PDSS2: variants seen among roughly 807,000 people sequenced by gnomAD.
PDSS2 encodes decaprenyl diphosphate synthase subunit 2.
In PDSS2, 31 loss-of-function variants were observed where a neutral mutation model predicts 44.5. The ratio of observed to expected loss-of-function variants is 0.70; its 90% CI spans 0.52 to 0.94. PDSS2 has a LOEUF of 0.94. PDSS2 is among the 40% of genes least tolerant of loss of function. The probability of loss-of-function intolerance (pLI) is 0.00; values close to 1 mark genes in which losing one functional copy is unlikely to be tolerated. For synonymous variants in PDSS2, 157 were observed against 180.3 expected, an observed-to-expected ratio of 0.87 and a Z score of 1.03; for missense variants, 452 against 482.2, an observed-to-expected ratio of 0.94 and a Z score of 0.59.
At chr6:107,351,945 T>C (rs528446412) in intron 1 of PDSS2, among the ~76,000 whole-genome samples, 20 of 152,282 alleles carry the variant, frequency 1.3e-4, no homozygotes, top group Non-Finnish European at 2.5e-4. Context: ...TTGTGAAATT[T>C]TAGGAAAATG....
At chr6:107,182,018 A>T (rs1259285516) in intron 7 of PDSS2, among the ~76,000 whole-genome samples, 1 of 152,158 alleles carries the variant, frequency 6.6e-6, no homozygotes, top group East Asian at 1.9e-4. Context: ...AGAGATTATG[A>T]TAATTAAATC....
At chr6:107,210,863 G>C (rs1220659845) in intron 5 of PDSS2, among the ~76,000 whole-genome samples, 5 of 151,362 alleles carry the variant, frequency 3.3e-5, no homozygotes, top group Non-Finnish European at 7.4e-5. Flanking sequence ...AATTGGGGGG[G>C]GTTTGCACAC....
At chr6:107,232,832 A>G (rs1404222287) in intron 4 of PDSS2, among the ~76,000 whole-genome samples, 1 of 151,642 alleles carries the variant, frequency 6.6e-6, no homozygotes, top group Non-Finnish European at 1.5e-5. Flanking sequence ...AAACTTCAAT[A>G]GTTTCTTTCT....
chr6:107,259,561 G>A (rs921028708), intron 3 of PDSS2, among the ~76,000 whole-genome samples: 11 of 152,134 alleles, frequency 7.2e-5, no homozygotes, highest in South Asian at 6.2e-4. Context: ...TGTAATCCCC[G>A]CTACTTGGGA....
rs1421418139 is a variant in PDSS2 at position 107,154,224 on chromosome 6, C to G, written c.*395G>C. On this transcript the variant is annotated 3_prime_UTR_variant, in exon 8 of 8. Transcript: ENST00000369037. ...TCCCTGGTTGGTATTGAGAGCATTTCTCTTGACACCTGCAGCTTCCAACTT... is the reference window on the plus strand; with the variant it reads ...TCCCTGGTTGGTATTGAGAGCATTTGTCTTGACACCTGCAGCTTCCAACTT... 3 of 273,730 alleles carry G rather than the reference C, an allele frequency of 1.1e-5. No homozygotes were observed. The highest frequency in any genetic ancestry group is 2.1e-5 in the Non-Finnish European group (3 of 141,580). 17.0% of individuals were successfully genotyped at this position (273,730 alleles called of 1,614,324 possible). A position where few individuals can be genotyped will look rare whatever the true frequency, so the allele number is the denominator to read the frequency against.
rs370343629 is a variant in PDSS2, at chr6:107,223,222, C to T, written c.703-10940G>A. Reference sequence around the variant, plus strand: ...AGGATTATAGGTGTGAACCACTGCGCTCTACAAACATTTTTTTAAAAAATT... The same window carrying T: ...AGGATTATAGGTGTGAACCACTGCGTTCTACAAACATTTTTTTAAAAAATT... On this transcript the variant is annotated intron_variant, in intron 4 of 7. Coordinates refer to ENST00000369037, the MANE Select transcript of PDSS2 (RefSeq NM_020381.4). Among the ~76,000 whole-genome samples, 78 of 150,922 alleles carry T rather than the reference C, an allele frequency of 5.2e-4. 4 individuals are homozygous for T. Among genetic ancestry groups the T allele is most frequent in the African/African-American group, 1.8e-3 (72 of 40,546 alleles).
rs1000745374 is a variant in PDSS2, at chr6:107,214,248, C to T, written c.703-1966G>A. The stretch of plus-strand genomic sequence containing the variant: ...CCTCTCCGAGTAGCTGGACTACAGG[C>T]GCCCGCCACCACGCCCAGCTAATTT... On this transcript the variant is annotated intron_variant, in intron 4 of 7. Coordinates refer to ENST00000369037, the MANE Select transcript of PDSS2 (RefSeq NM_020381.4). 1.1e-4 allele frequency among the ~76,000 whole-genome samples: 16 copies of T among 152,088 alleles called. No homozygotes were observed. In the East Asian group the frequency reaches 2.5e-3, roughly 24 times the overall value.
intron 2 of PDSS2, among the ~76,000 whole-genome samples, chr6:107,325,906 T>C (rs1473018710): frequency 6.6e-6 from 1 of 152,312 alleles, no homozygotes; most frequent in East Asian, 1.9e-4. Context: ...TGCAAATGTG[T>C]TAATCTTTTC....
At chr6:107,450,877 C>A (rs1781843644) in intron 1 of PDSS2, among the ~76,000 whole-genome samples, 1 of 152,224 alleles carries the variant, frequency 6.6e-6, no homozygotes, top group South Asian at 2.1e-4. Context: ...GTCACCCACG[C>A]TGAAGTGCAA....
chr6:107,277,582 C>G (rs1234903740), intron 2 of PDSS2, among the ~76,000 whole-genome samples: 1 of 151,982 alleles, frequency 6.6e-6, no homozygotes, highest in African/African-American at 2.4e-5. Flanking sequence ...GGTGGGGGAG[C>G]TATTACAAAG....
At chr6:107,326,554 A>T (rs186871203) in intron 2 of PDSS2, among the ~76,000 whole-genome samples, 1 of 152,176 alleles carries the variant, frequency 6.6e-6, no homozygotes, top group East Asian at 1.9e-4. Flanking sequence ...AGGTAATAAG[A>T]TAAAAATAGT....
chr6:107,264,321 T>A, intron 3 of PDSS2: 1 of 1,447,452 alleles, frequency 6.9e-7, no homozygotes, highest in Non-Finnish European at 9.1e-7. Flanking sequence ...AAAGTTAACA[T>A]AAGGAAATAC....
intron 1 of PDSS2, among the ~76,000 whole-genome samples, chr6:107,434,943 AT>A (rs1298836787): frequency 6.6e-6 from 1 of 151,848 alleles, no homozygotes; most frequent in African/African-American, 2.4e-5. Context: ...ACTCATAAAA[AT>A]TTTTTTTAAA....
At chr6:107,236,409 C>T (rs1044829948) in intron 4 of PDSS2, among the ~76,000 whole-genome samples, 1 of 150,182 alleles carries the variant, frequency 6.7e-6, no homozygotes, top group Non-Finnish European at 1.5e-5. Flanking sequence ...TGGAGGTTGC[C>T]GTGAGCTGAG....
At chr6:107,227,468 T>C (rs1773873760) in intron 4 of PDSS2, among the ~76,000 whole-genome samples, 1 of 149,016 alleles carries the variant, frequency 6.7e-6, no homozygotes, top group Non-Finnish European at 1.5e-5. Context: ...TTTATACTTT[T>C]AGTAAAGGCG....
intron 2 of PDSS2, among the ~76,000 whole-genome samples, chr6:107,276,630 CTG>C: frequency 6.6e-6 from 1 of 152,310 alleles, no homozygotes; most frequent in African/African-American, 2.4e-5. Flanking sequence ...AGAGGGCAAA[CTG>C]TGGCAGAGTG....
intron 4 of PDSS2, among the ~76,000 whole-genome samples, chr6:107,241,964 C>T (rs184695680): frequency 6.6e-5 from 10 of 152,324 alleles, no homozygotes; most frequent in African/African-American, 2.4e-4. Flanking sequence ...TCCCACATGA[C>T]CTCCACTTGT....
At chr6:107,274,667 CTTTTT>C (rs5878910) in intron 2 of PDSS2, among the ~76,000 whole-genome samples, 1 of 106,550 alleles carries the variant, frequency 9.4e-6, no homozygotes, top group Non-Finnish European at 1.9e-5. Context: ...ATCTCTCTCT[CTTTTT>C]TTTTTTTTTT....
At chr6:107,281,042 A>C (rs1173176014) in intron 2 of PDSS2, among the ~76,000 whole-genome samples, 1 of 152,154 alleles carries the variant, frequency 6.6e-6, no homozygotes, top group Non-Finnish European at 1.5e-5. Flanking sequence ...GTTTCTGAGA[A>C]ATTTACTGAG....
Sources: gnomAD v4.1 joint callset for allele counts (sites outside exome capture counted in the v4.1 genomes callset) on GRCh38, gnomAD v4.1.1 for gene constraint, MANE v1.5 for transcripts, NCBI Gene and HGNC (gene_info 2026-07-23, HGNC 2026-07-21) for gene names.